The following ZCCHC14 variants were observed in gnomAD, a reference collection of about 807,000 sequenced individuals.
The protein encoded by ZCCHC14 is zinc finger CCHC-type containing 14.
Under a neutral mutation model 85.0 loss-of-function variants are expected in ZCCHC14, and 16 were observed. The ratio of observed to expected loss-of-function variants is 0.19; its 90% CI spans 0.13 to 0.29. The LOEUF is 0.29. Ranked by LOEUF, ZCCHC14 falls within the 10% of genes least tolerant of loss-of-function variation. The pLI is 1.00. For synonymous variants in ZCCHC14, 775 were observed against 630.7 expected (o/e 1.23, Z -3.43); for missense variants, 1,303 against 1,443.5 (o/e 0.90, Z 1.58).
intron 12 of ZCCHC14, 33 bp downstream of exon 12, chr16:87,411,483 A>T: frequency 6.2e-7 from 1 of 1,609,860 alleles, no homozygotes; most frequent in Non-Finnish European, 8.5e-7. Context: ...GTCCTGCGGG[A>T]GCCTGGTGGG....
chr16:87,459,414 G>C (rs886425974), intron 2 of ZCCHC14, among the ~76,000 whole-genome samples: 1 of 151,160 alleles, frequency 6.6e-6, no homozygotes, highest in Non-Finnish European at 1.5e-5. Context: ...GCACGATCTC[G>C]GCTCACTGCA....
intron 2 of ZCCHC14, among the ~76,000 whole-genome samples, chr16:87,455,725 A>G (rs972740791): frequency 6.6e-6 from 1 of 152,186 alleles, no homozygotes; most frequent in Non-Finnish European, 1.5e-5. Context: ...GGAGTTGACG[A>G]TTTTTCGACT....
In ZCCHC14 at chr16:87,440,167, A is replaced by G. The variant is rs1179681988; in HGVS notation, c.695-6966T>C. 5.5e-5 allele frequency among the ~76,000 whole-genome samples: 8 copies of G among 145,226 alleles called. No homozygotes were observed. In the East Asian group the frequency reaches 1.6e-3, roughly 29 times the overall value. ...GCGACAGTATGCTTTTATGTTTACA[A>G]TTTTTTTTTTTTTTAAGATAAGAGT... On this transcript the variant is annotated intron_variant, in intron 2 of 12. Coordinates refer to ENST00000671377, the MANE Select transcript of ZCCHC14 (RefSeq NM_015144.3).
intron 1 of ZCCHC14, chr16:87,472,362 T>G (rs1175199076): frequency 6.6e-6 from 1 of 152,294 alleles, no homozygotes; most frequent in Admixed American, 6.5e-5. Context: ...GCTCTCAGGA[T>G]GGAGCCTGGC....
intron 4 of ZCCHC14, among the ~76,000 whole-genome samples, chr16:87,422,148 C>T (rs559678605): frequency 2.0e-4 from 31 of 152,218 alleles, no homozygotes; most frequent in African/African-American, 7.0e-4. Context: ...TTCATGAACA[C>T]GTCAAATGGA....
chr16:87,424,212 C>A (rs1909250102), intron 3 of ZCCHC14, among the ~76,000 whole-genome samples: 1 of 152,224 alleles, frequency 6.6e-6, no homozygotes, highest in Admixed American at 6.5e-5. Flanking sequence ...CAGGGGACCT[C>A]CTCTTCTTAA....
At chr16:87,463,606 G>T (rs1417008052) in intron 1 of ZCCHC14, among the ~76,000 whole-genome samples, 1 of 152,104 alleles carries the variant, frequency 6.6e-6, no homozygotes, top group Non-Finnish European at 1.5e-5. Flanking sequence ...ATCACCTGAG[G>T]TCAGGAGTTC....
chr16:87,477,823 G>T (rs1280176367), intron 1 of ZCCHC14, among the ~76,000 whole-genome samples: 4 of 116,214 alleles, frequency 3.4e-5, no homozygotes, highest in Non-Finnish European at 7.4e-5. Flanking sequence ...ACACTCACAC[G>T]CCTCCACGCA....
At chr16:87,458,343 G>C (rs567595438) in intron 2 of ZCCHC14, among the ~76,000 whole-genome samples, 1 of 152,186 alleles carries the variant, frequency 6.6e-6, no homozygotes, top group Non-Finnish European at 1.5e-5. Context: ...TGTCCGCTCT[G>C]GGGTTGGAGC....
At chr16:87,483,473 AGAGT>A (rs1912380485) in intron 1 of ZCCHC14, among the ~76,000 whole-genome samples, 1 of 151,612 alleles carries the variant, frequency 6.6e-6, no homozygotes, top group Non-Finnish European at 1.5e-5. Context: ...CCTGGGTGAC[AGAGT>A]GAGACTCTGT....
intron 2 of ZCCHC14, among the ~76,000 whole-genome samples, chr16:87,450,830 A>C (rs1172334535): frequency 6.6e-6 from 1 of 152,102 alleles, no homozygotes; most frequent in African/African-American, 2.4e-5. Context: ...TGCTGGGATT[A>C]CAAGCGTGAG....
chr16:87,444,247 C>T (rs532357604), intron 2 of ZCCHC14, among the ~76,000 whole-genome samples: 20 of 152,074 alleles, frequency 1.3e-4, no homozygotes, highest in Non-Finnish European at 2.1e-4. Flanking sequence ...GGAAAGAAAG[C>T]TGAGTGTTGA....
chr16:87,462,911 A>G (rs1172775195), intron 1 of ZCCHC14, among the ~76,000 whole-genome samples: 2 of 152,024 alleles, frequency 1.3e-5, no homozygotes, highest in Non-Finnish European at 2.9e-5. Context: ...TCTACTAAAA[A>G]TACGAAATTA....
chr16:87,481,747 G>A (rs946892808), intron 1 of ZCCHC14, among the ~76,000 whole-genome samples: 12 of 152,150 alleles, frequency 7.9e-5, no homozygotes, highest in Admixed American at 2.0e-4. Context: ...CTGGGCCTCT[G>A]GCTGGAAGGG....
At chr16:87,447,775 C>G (rs1290748935) in intron 2 of ZCCHC14, among the ~76,000 whole-genome samples, 1 of 152,174 alleles carries the variant, frequency 6.6e-6, no homozygotes, top group Non-Finnish European at 1.5e-5. Flanking sequence ...TAAGAAATGC[C>G]AAATTGTTTT....
At chr16:87,489,583 C>T (rs1912659460) in intron 1 of ZCCHC14, among the ~76,000 whole-genome samples, 1 of 152,136 alleles carries the variant, frequency 6.6e-6, no homozygotes, top group Non-Finnish European at 1.5e-5. Context: ...AGGTTACATC[C>T]CCTCCACTGC....
intron 1 of ZCCHC14, among the ~76,000 whole-genome samples, chr16:87,484,730 GAC>G (rs1236415693): frequency 6.6e-6 from 1 of 152,218 alleles, no homozygotes. Context: ...GGCTGGTAGA[GAC>G]GAGCGGTGTT....
intron 1 of ZCCHC14, among the ~76,000 whole-genome samples, chr16:87,468,158 G>A (rs1048622449): frequency 1.3e-5 from 2 of 152,158 alleles, no homozygotes; most frequent in Non-Finnish European, 2.9e-5. Flanking sequence ...AGATTCATGT[G>A]TTTTTTTATA....
chr16:87,470,030 A>G (rs1184467315), intron 1 of ZCCHC14, among the ~76,000 whole-genome samples: 1 of 152,158 alleles, frequency 6.6e-6, no homozygotes, highest in Non-Finnish European at 1.5e-5. Context: ...GCTTGAGCCC[A>G]GTAGTTCAAA....
Sources: allele counts gnomAD v4.1 joint callset (sites outside exome capture counted in the v4.1 genomes callset), GRCh38; gene constraint gnomAD v4.1.1; transcripts MANE v1.5; gene names NCBI Gene and HGNC (gene_info 2026-07-23, HGNC 2026-07-21).